The following SI variants were observed in gnomAD, a reference collection of about 807,000 sequenced individuals.
SI encodes sucrase-isomaltase.
In SI, 235 loss-of-function variants were observed where a neutral mutation model predicts 253.3. The observed-to-expected ratio is 0.93, with a 90% CI of 0.83 to 1.03. The LOEUF is 1.03. SI is among the 50% of genes least tolerant of loss of function. SI has a pLI of 0.00. For missense variants in SI, 2,442 were observed against 2,211.1 expected (o/e 1.10, Z -2.09); for synonymous variants, 819 against 712.0 (o/e 1.15, Z -2.39).
chr3:164,988,706 A>G (rs1717557844), intron 44 of SI, among the ~76,000 whole-genome samples: 1 of 152,186 alleles, frequency 6.6e-6, no homozygotes. Flanking sequence ...AGAAAAACAG[A>G]GACAGGGTCC....
chr3:165,084,788 G>C, the SI span, among the ~76,000 whole-genome samples: 1 of 151,846 alleles, frequency 6.6e-6, no homozygotes, highest in African/African-American at 2.4e-5. Context: ...AAAAAGACTA[G>C]AGACAATAAG....
rs140449663 is a variant in SI, at chr3:165,057,431, G to A, written c.1398+1532C>T. Among the ~76,000 whole-genome samples, 57 of 152,048 alleles carry A rather than the reference G, an allele frequency of 3.7e-4. No individual in the cohort carries two copies. The East Asian group carries it at 9.5e-3, about 25-fold the overall frequency. On this transcript the variant is annotated intron_variant, in intron 12 of 47. Transcript: ENST00000264382. ...TAGAAAGTATATTGAAAGGGAAAAT[G>A]ACAGGAAACATCCCAAACTTAGAGA...
intron 20 of SI, 67 bp from the exon 21 acceptor site, chr3:165,038,091 T>A: frequency 7.1e-7 from 1 of 1,402,860 alleles, no homozygotes; most frequent in East Asian, 2.3e-5. Context: ...TTCACAAGAA[T>A]TAAAAGGCAT....
chr3:165,085,356 C>A, the SI span, among the ~76,000 whole-genome samples: 1 of 152,090 alleles, frequency 6.6e-6, no homozygotes, highest in Admixed American at 6.6e-5. Context: ...AAGACGTGGA[C>A]CTTTCTAATT....
At position 165,032,790 on chromosome 3, in the gene SI, C is replaced by T. The variant is rs573411302; in HGVS notation, c.2566-98G>A. On this transcript the variant is annotated intron_variant, in intron 23 of 47. Coordinates refer to ENST00000264382, the MANE Select transcript of SI (RefSeq NM_001041.4). The stretch of plus-strand genomic sequence containing the variant: ...AATAGCAAAAAAAGGTCATCATCTA[C>T]ATCTCTATTCCCACCAGCTCTCCTC... 24 of 710,212 alleles carry T rather than the reference C, an allele frequency of 3.4e-5. No homozygotes were observed. In the South Asian group the frequency reaches 4.1e-4, roughly 12 times the overall value. The allele number at this position is 710,212 out of a possible 1,614,324, so 44.0% of individuals were successfully genotyped here.
intron 43 of SI, among the ~76,000 whole-genome samples, chr3:164,991,918 T>A (rs1006486166): frequency 6.6e-6 from 1 of 152,036 alleles, no homozygotes; most frequent in Non-Finnish European, 1.5e-5. Flanking sequence ...TAAAAGACAA[T>A]TATCTTTTTG....
At chr3:165,058,876 A>ACACACACG in intron 12 of SI, 87 bp downstream of exon 12, 2 of 1,067,946 alleles carry the variant, frequency 1.9e-6, no homozygotes, top group Non-Finnish European at 2.9e-6. Flanking sequence ...ACACACACAC[A>ACACACACG]CACACACACA....
In SI at chr3:165,023,736, C is replaced by A; in HGVS notation, c.2933G>T (p.Arg978Ile). The A allele has an allele frequency of 1.2e-6, 2 of 1,610,488 alleles. No individual in the cohort carries two copies. Among genetic ancestry groups the A allele is most frequent in the South Asian group, 1.1e-5 (1 of 91,038 alleles). The part of the protein sequence containing the change: ...LSKAPECYFP[R>I]QDNSYSVNSA... ...GTTGACTGAATAAGAGTTATCTTGT[C>A]TGGGAAAGTAACACTCAGGTGCTTT... Residue 978 changes from arginine to isoleucine, a missense_variant, in exon 26 of 48, where the codon AGA (arginine) becomes ATA (isoleucine). Arg to Ile is a moderately conservative substitution (Grantham distance 97, BLOSUM62 -3). Coordinates refer to ENST00000264382, the MANE Select transcript of SI (RefSeq NM_001041.4).
rs896995392 is a variant in SI at position 165,019,523 on chromosome 3, C to T, written c.3423+79G>A. ...CTTTGTCATTACTTCAATCCTAAAG[C>T]ACAGGCCCATAAAGAAGTGGCTTGG... On this transcript the variant is annotated intron_variant, in intron 28 of 47. Transcript: ENST00000264382. The T allele has an allele frequency of 4.7e-6, 6 of 1,265,330 alleles. No homozygotes were observed. The African/African-American group carries it at 7.4e-5, about 16-fold the overall frequency. 78.4% of individuals were successfully genotyped at this position (1,265,330 alleles called of 1,614,324 possible).
At chr3:164,985,289 T>C (rs1285002401) in intron 45 of SI, among the ~76,000 whole-genome samples, 5 of 152,156 alleles carry the variant, frequency 3.3e-5, no homozygotes, top group Non-Finnish European at 7.4e-5. Context: ...CCAAGTTGCA[T>C]ACTTAAACTT....
At chr3:165,003,778 C>G (rs1718368041) in intron 37 of SI, among the ~76,000 whole-genome samples, 1 of 151,648 alleles carries the variant, frequency 6.6e-6, no homozygotes, top group Non-Finnish European at 1.5e-5. Flanking sequence ...AAATCACAAG[C>G]CTTATGGTGA....
rs1170929738 is a variant in SI at position 165,007,946 on chromosome 3, C to G, written c.4232G>C (p.Arg1411Thr). Residue 1411 changes from arginine (R) to threonine (T), a missense_variant, in exon 36 of 48, where the codon AGA becomes ACA. By Grantham distance (71) the Arg-to-Thr change is moderately conservative. Transcript: ENST00000264382. ...AGGTGGATAATTTAGTTCGTCATTT[C>G]TGCATTGATTAGTAGTTGTTCCATT... Reference protein sequence around the residue: ...FVNGTTTNQCRNDELNYPPYF... With the variant: ...FVNGTTTNQCTNDELNYPPYF... 3 of 1,601,980 alleles carry G rather than the reference C, an allele frequency of 1.9e-6. No individual in the cohort carries two copies. In the East Asian group the frequency reaches 6.7e-5, roughly 36 times the overall value.
chr3:165,072,037 T>C (rs925259117), intron 3 of SI, among the ~76,000 whole-genome samples: 1 of 152,124 alleles, frequency 6.6e-6, no homozygotes, highest in African/African-American at 2.4e-5. Flanking sequence ...CTTTCTAATA[T>C]ACAATAAACA....
chr3:165,010,490 G>A (rs980360176), intron 34 of SI, among the ~76,000 whole-genome samples: 1 of 152,036 alleles, frequency 6.6e-6, no homozygotes, highest in Non-Finnish European at 1.5e-5. Flanking sequence ...AGTAGAAAGG[G>A]ACTTAATTTT....
intron 16 of SI, among the ~76,000 whole-genome samples, chr3:165,046,291 T>C (rs1711594560): frequency 6.6e-6 from 1 of 152,132 alleles, no homozygotes; most frequent in African/African-American, 2.4e-5. Context: ...CTCTTTAGTC[T>C]TGAATATCAA....
rs191286610 is a variant in SI at position 164,994,445 on chromosome 3, C to T, written c.4693-40G>A. On this transcript the variant is annotated intron_variant, in intron 40 of 47. Transcript: ENST00000264382. The stretch of plus-strand genomic sequence containing the variant: ...AATAACATAGTTATAAGCTTTGGTC[C>T]TTGTTTAAGTCATAATATTCATATT... 5.0e-6 allele frequency: 8 copies of T among 1,598,626 alleles called. No homozygotes were observed. The Admixed American group carries it at 5.0e-5, about 10-fold the overall frequency.
In SI at chr3:165,023,740, G is replaced by A; in HGVS notation, c.2929C>T (p.Pro977Ser). The A allele has an allele frequency of 1.9e-6, 3 of 1,610,442 alleles. No homozygotes were observed. Among genetic ancestry groups the A allele is most frequent in the Non-Finnish European group, 2.5e-6 (3 of 1,177,658 alleles). Residue 977 changes from proline (P) to serine (S), a missense_variant, in exon 26 of 48, where the codon CCC becomes TCC. By Grantham distance (74) the Pro-to-Ser change is moderately conservative. Transcript: ENST00000264382. ...ACTGAATAAGAGTTATCTTGTCTGG[G>A]AAAGTAACACTCAGGTGCTTTGGAT... ...SLSKAPECYF[P>S]RQDNSYSVNS... is the part of the protein sequence containing the mutation.
intron 28 of SI, among the ~76,000 whole-genome samples, chr3:165,018,406 T>C (rs909419441): frequency 6.6e-6 from 1 of 150,928 alleles, no homozygotes. Context: ...TTAGAGTAGT[T>C]TGGTTTATTT....
intron 5 of SI, 80 bp from the exon 6 acceptor site, chr3:165,067,571 G>C (rs1714313235): frequency 1.4e-5 from 17 of 1,226,658 alleles, no homozygotes; most frequent in Non-Finnish European, 1.9e-5. Flanking sequence ...TTAAATGCAA[G>C]TTCCAAATAA....
Sources: gnomAD v4.1 joint callset for allele counts (sites outside exome capture counted in the v4.1 genomes callset) on GRCh38, gnomAD v4.1.1 for gene constraint, MANE v1.5 for transcripts, NCBI Gene and HGNC (gene_info 2026-07-23, HGNC 2026-07-21) for gene names.